Variants in TAFA5 observed in about 807,000 individuals in gnomAD.
TAFA5 encodes chemokine-like protein TAFA-5.
In TAFA5, 6 loss-of-function variants were observed where a neutral mutation model predicts 15.3. The ratio of observed to expected loss-of-function variants is 0.39; its 90% CI spans 0.21 to 0.77. The LOEUF (loss-of-function observed/expected upper bound fraction) is 0.77, where lower values mean the gene tolerates loss of function less well. TAFA5 is among the 30% of genes least tolerant of loss of function. The pLI is 0.41. For synonymous variants in TAFA5, 103 were observed against 80.7 expected (o/e 1.28, Z -1.48); for missense variants, 161 against 193.1 (o/e 0.83, Z 0.98).
intron 3 of TAFA5, among the ~76,000 whole-genome samples, chr22:48,718,614 A>G (rs1007878919): frequency 1.3e-5 from 2 of 152,140 alleles, no homozygotes; most frequent in African/African-American, 4.8e-5. Context: ...CCCAGAGCAC[A>G]GCCAAGCCGG....
chr22:48,665,942 A>ACGCCCCCAT (rs1401267427), intron 2 of TAFA5, among the ~76,000 whole-genome samples: 2 of 152,020 alleles, frequency 1.3e-5, no homozygotes, highest in Non-Finnish European at 2.9e-5. Context: ...CCTGCCCCCA[A>ACGCCCCCAT]CGCCCCCATC....
At chr22:48,597,190 TAGTC>T (rs1022610601) in intron 1 of TAFA5, among the ~76,000 whole-genome samples, 17 of 152,346 alleles carry the variant, frequency 1.1e-4, no homozygotes, top group African/African-American at 4.1e-4. Flanking sequence ...AGAGGGGAGA[TAGTC>T]AGGGCCTTCC....
At chr22:48,710,806 G>A (rs1359441303) in intron 3 of TAFA5, among the ~76,000 whole-genome samples, 1 of 152,236 alleles carries the variant, frequency 6.6e-6, no homozygotes, top group African/African-American at 2.4e-5. Context: ...GAGCCTGGGG[G>A]AGATGGCTGC....
chr22:48,619,434 C>A (rs1251968284), intron 1 of TAFA5, among the ~76,000 whole-genome samples: 1 of 152,244 alleles, frequency 6.6e-6, no homozygotes, highest in African/African-American at 2.4e-5. Context: ...CAGCTTACTG[C>A]AACCTCCGCC....
intron 1 of TAFA5, among the ~76,000 whole-genome samples, chr22:48,633,192 C>A (rs1926295803): frequency 6.6e-6 from 1 of 152,206 alleles, no homozygotes; most frequent in African/African-American, 2.4e-5. Context: ...CAGAGCCGAC[C>A]TGAACCCCAC....
At chr22:48,515,131 C>T (rs1441211042) in intron 1 of TAFA5, among the ~76,000 whole-genome samples, 2 of 151,108 alleles carry the variant, frequency 1.3e-5, no homozygotes, top group African/African-American at 2.4e-5. Context: ...ATTTAGGAAT[C>T]GTTCCATGGA....
chr22:48,594,980 C>G (rs1924711895), intron 1 of TAFA5, among the ~76,000 whole-genome samples: 1 of 151,998 alleles, frequency 6.6e-6, no homozygotes, highest in African/African-American at 2.4e-5. Flanking sequence ...AGGGAATTTG[C>G]AGATCAGCTC....
intron 1 of TAFA5, among the ~76,000 whole-genome samples, chr22:48,599,896 G>A (rs934528933): frequency 6.6e-6 from 1 of 152,202 alleles, no homozygotes; most frequent in African/African-American, 2.4e-5. Context: ...TGCTTGAGGG[G>A]AGCTGTCTTG....
chr22:48,560,057 A>G lies in TAFA5; in HGVS notation c.112+70353A>G, dbSNP rs1287726356. The stretch of plus-strand genomic sequence containing the variant: ...TCTATGCACACGCCGGCCATCCTCC[A>G]TCAGGCAGCTGCCCTGGCCACCGAT... On this transcript the variant is annotated intron_variant, in intron 1 of 3. Coordinates refer to ENST00000402357, the MANE Select transcript of TAFA5 (RefSeq NM_001082967.3). The surrounding 1 kb of genome is among the most constrained non-coding windows in gnomAD (Gnocchi z 4.2). Among the ~76,000 whole-genome samples the G allele has an allele frequency of 2.0e-5, 3 of 152,160 alleles. No homozygotes were observed. Among genetic ancestry groups the G allele is most frequent in the Non-Finnish European group, 4.4e-5 (3 of 68,020 alleles).
intron 1 of TAFA5, among the ~76,000 whole-genome samples, chr22:48,616,891 G>A (rs113468255): frequency 0.012 from 1,860 of 152,170 alleles, 39 homozygotes; most frequent in African/African-American, 0.043. Context: ...CGTCTTGTCC[G>A]AGAGAGGCCT....
intron 3 of TAFA5, among the ~76,000 whole-genome samples, chr22:48,737,413 C>T (rs564315087): frequency 6.6e-6 from 1 of 152,338 alleles, no homozygotes; most frequent in Non-Finnish European, 1.5e-5. Context: ...CTGAGCCTGC[C>T]CTGCTGTCCC....
At chr22:48,718,184 G>A (rs996942215) in intron 3 of TAFA5, among the ~76,000 whole-genome samples, 1 of 152,192 alleles carries the variant, frequency 6.6e-6, no homozygotes, top group Non-Finnish European at 1.5e-5. Context: ...GTATCAGGGT[G>A]CACCCAGGCG....
At chr22:48,650,804 C>T (rs1555896053) in intron 2 of TAFA5, among the ~76,000 whole-genome samples, 1 of 131,730 alleles carries the variant, frequency 7.6e-6, no homozygotes, top group Non-Finnish European at 1.7e-5. Flanking sequence ...CACCGAGCCT[C>T]CCCTCCCCCA....
intron 1 of TAFA5, among the ~76,000 whole-genome samples, chr22:48,600,437 T>A (rs1924924408): frequency 6.6e-6 from 1 of 152,196 alleles, no homozygotes; most frequent in Non-Finnish European, 1.5e-5. Context: ...GCAGCCCTTG[T>A]GGCCACACGG....
intron 1 of TAFA5, among the ~76,000 whole-genome samples, chr22:48,613,688 C>T (rs962307336): frequency 6.6e-6 from 1 of 152,226 alleles, no homozygotes; most frequent in African/African-American, 2.4e-5. Flanking sequence ...TTGGCTCCAC[C>T]TGCTCTGGCC....
rs779984609 is a variant in TAFA5 at position 48,490,031 on chromosome 22, C to G, written c.112+327C>G. Among the ~76,000 whole-genome samples the G allele has an allele frequency of 1.8e-3, 271 of 152,020 alleles. 1 individual carries two copies. The highest frequency in any genetic ancestry group is 3.0e-3 in the Non-Finnish European group (204 of 67,950). ...GGAGCCCAGCCAGCGGCTTCCCGGC[C>G]GAGATGCGCGCTCAGGAGGCAGCCG... On this transcript the variant is annotated intron_variant, in intron 1 of 3. Transcript: ENST00000402357. This position sits in a 1 kb window ranked among gnomAD's most constrained non-coding sequence, Gnocchi z 5.8.
chr22:48,574,816 C>T (rs941236893), intron 1 of TAFA5, among the ~76,000 whole-genome samples: 3 of 152,206 alleles, frequency 2.0e-5, no homozygotes, highest in African/African-American at 4.8e-5. Flanking sequence ...ACCTGTGCCC[C>T]CTGCTCTGGG....
intron 2 of TAFA5, among the ~76,000 whole-genome samples, chr22:48,655,012 T>C (rs1927186487): frequency 6.6e-6 from 1 of 152,168 alleles, no homozygotes; most frequent in African/African-American, 2.4e-5. Context: ...AGTAGCTGGA[T>C]GCATCAGTGT....
intron 1 of TAFA5, 108 bp from the exon 2 acceptor site, chr22:48,646,489 C>T: frequency 7.1e-7 from 1 of 1,402,372 alleles, no homozygotes. Flanking sequence ...TCTCCCTGCC[C>T]TGTGGCCTGG....
Sources: allele counts gnomAD v4.1 joint callset (sites outside exome capture counted in the v4.1 genomes callset), GRCh38; gene constraint gnomAD v4.1.1; non-coding constraint Gnocchi (gnomAD v3.1); transcripts MANE v1.5; gene names NCBI Gene and HGNC (gene_info 2026-07-23, HGNC 2026-07-21).